LRRC4C: variants seen among roughly 807,000 people sequenced by gnomAD.
LRRC4C encodes the protein leucine rich repeat containing 4C, also known as leucine-rich repeat-containing protein 4C.
In LRRC4C, 5 loss-of-function variants were observed where a neutral mutation model predicts 33.6. That is an observed-to-expected ratio of 0.15 (90% CI 0.08 to 0.31). The LOEUF is 0.31. Among genes scored for constraint, LRRC4C ranks in the 10% least tolerant of loss-of-function variants. The probability of loss-of-function intolerance (pLI) is 1.00; values close to 1 mark genes in which losing one functional copy is unlikely to be tolerated. For synonymous variants in LRRC4C, 329 were observed against 302.0 expected, an observed-to-expected ratio of 1.09 and a Z score of -0.93; for missense variants, 560 against 796.7, an observed-to-expected ratio of 0.70 and a Z score of 3.58.
At chr11:40,646,890 G>C (rs1942498126) in intron 3 of LRRC4C, among the ~76,000 whole-genome samples, 1 of 152,202 alleles carries the variant, frequency 6.6e-6, no homozygotes, top group African/African-American at 2.4e-5. Flanking sequence ...ACAGGTGTGA[G>C]CCACTGTGCC....
At chr11:40,495,220 A>AT (rs2138557496) in intron 3 of LRRC4C, among the ~76,000 whole-genome samples, 1 of 152,280 alleles carries the variant, frequency 6.6e-6, no homozygotes, top group East Asian at 1.9e-4. Flanking sequence ...CAAATAGTAG[A>AT]TTTTGTTAAG....
chr11:40,178,146 C>A (rs781100644), intron 5 of LRRC4C, among the ~76,000 whole-genome samples: 44 of 152,128 alleles, frequency 2.9e-4, no homozygotes, highest in Non-Finnish European at 4.9e-4. Flanking sequence ...CATCTTATTG[C>A]CATCTGGAGG....
At chr11:41,164,448 A>G (rs745368646) in intron 1 of LRRC4C, among the ~76,000 whole-genome samples, 3 of 152,130 alleles carry the variant, frequency 2.0e-5, no homozygotes, top group Non-Finnish European at 4.4e-5. Context: ...AAGTAAAAGG[A>G]GAACACTCTA....
intron 2 of LRRC4C, among the ~76,000 whole-genome samples, chr11:40,925,929 T>A (rs1344779861): frequency 6.6e-6 from 1 of 152,146 alleles, no homozygotes; most frequent in Non-Finnish European, 1.5e-5. Flanking sequence ...TTCTATAACA[T>A]GGTATATGGT....
At chr11:41,402,356 G>A (rs1389532332) in intron 1 of LRRC4C, among the ~76,000 whole-genome samples, 1 of 152,076 alleles carries the variant, frequency 6.6e-6, no homozygotes, top group South Asian at 2.1e-4. Context: ...TGAGAATACA[G>A]AGTATTACAC....
chr11:41,276,383 G>A (rs1949486412), intron 1 of LRRC4C, among the ~76,000 whole-genome samples: 1 of 152,100 alleles, frequency 6.6e-6, no homozygotes, highest in Non-Finnish European at 1.5e-5. Flanking sequence ...GCTAGCATAA[G>A]CCCTTGTCTC....
intron 2 of LRRC4C, among the ~76,000 whole-genome samples, chr11:40,909,548 T>G (rs77233918): frequency 4.3e-4 from 65 of 152,208 alleles, no homozygotes; most frequent in African/African-American, 1.4e-3. Flanking sequence ...CACAGATAAT[T>G]TCATACAGAG....
chr11:41,103,880 A>T (rs1246447836), intron 1 of LRRC4C, among the ~76,000 whole-genome samples: 3 of 151,972 alleles, frequency 2.0e-5, no homozygotes, highest in Admixed American at 6.6e-5. Context: ...TTTAATAGTG[A>T]AAGGATAGCA....
At chr11:40,375,536 TAACATTTTGTG>T (rs1948624504) in intron 3 of LRRC4C, among the ~76,000 whole-genome samples, 1 of 152,166 alleles carries the variant, frequency 6.6e-6, no homozygotes, top group Non-Finnish European at 1.5e-5. Flanking sequence ...TGCCAAGGTC[TAACATTTTGTG>T]GCATACCACC....
At chr11:41,160,018 CACACACACAT>C (rs1419275297) in intron 1 of LRRC4C, among the ~76,000 whole-genome samples, 1 of 151,872 alleles carries the variant, frequency 6.6e-6, no homozygotes, top group African/African-American at 2.4e-5. Flanking sequence ...AACAAAAGGG[CACACACACAT>C]ACACACACAT....
intron 1 of LRRC4C, among the ~76,000 whole-genome samples, chr11:41,045,853 T>C (rs1053612088): frequency 5.9e-5 from 9 of 152,066 alleles, no homozygotes; most frequent in African/African-American, 1.7e-4. Flanking sequence ...ACCTTGTAGA[T>C]GGTAAATTTC....
intron 2 of LRRC4C, among the ~76,000 whole-genome samples, chr11:40,921,102 T>C (rs931649994): frequency 2.0e-5 from 3 of 152,028 alleles, no homozygotes; most frequent in African/African-American, 7.2e-5. Context: ...AAAAAAATTT[T>C]CGTAGAGACA....
In LRRC4C at chr11:40,185,527, G is replaced by A. The variant is rs563438244; in HGVS notation, c.-95-44674C>T. On this transcript the variant is annotated intron_variant, in intron 5 of 6. Coordinates refer to ENST00000528697, the MANE Select transcript of LRRC4C (RefSeq NM_001258419.2). Reference sequence around the variant, plus strand: ...ATAATTTAGTTAGGCATCTGAAAAGGTGTAATGAAGGAAATTTAGTGAGAA... The same window carrying A: ...ATAATTTAGTTAGGCATCTGAAAAGATGTAATGAAGGAAATTTAGTGAGAA... 3.3e-5 allele frequency among the ~76,000 whole-genome samples: 5 copies of A among 152,286 alleles called. No individual in the cohort carries two copies. The East Asian group carries it at 5.8e-4, about 18-fold the overall frequency.
At chr11:40,978,557 AC>A (rs1257587243) in intron 1 of LRRC4C, among the ~76,000 whole-genome samples, 1 of 152,040 alleles carries the variant, frequency 6.6e-6, no homozygotes, top group Non-Finnish European at 1.5e-5. Flanking sequence ...TCTGTCCCAA[AC>A]ATCAATAGAG....
chr11:41,420,259 C>G, intron 1 of LRRC4C, among the ~76,000 whole-genome samples: 1 of 151,922 alleles, frequency 6.6e-6, no homozygotes. Context: ...GCCTTCCCCT[C>G]CTCACCATGC....
In LRRC4C at chr11:40,114,627, G is replaced by A. The variant is rs773078198; in HGVS notation, c.1666C>T (p.Arg556Trp). ...IFYKMRKQHH[R>W]QNHHAPTRTV... ...CTTGTTGGGGCGTGATGGTTTTGCC[G>A]ATGGTGCTGCTTCCTCATCTTGTAG... The change falls in exon 7 of 7, where the codon CGG becomes TGG. Residue 556 changes from arginine to tryptophan, a missense_variant. Arg to Trp is a moderately radical substitution (Grantham distance 101). Around this residue, in one of 3 missense-constraint regions of LRRC4C, gnomAD observed 103 missense variants for 132.1 expected, o/e 0.78. Coordinates refer to ENST00000528697, the MANE Select transcript of LRRC4C (RefSeq NM_001258419.2). 12 of 1,613,998 alleles carry A rather than the reference G, an allele frequency of 7.4e-6. No homozygotes were observed. Among genetic ancestry groups the A allele is most frequent in the South Asian group, 4.4e-5 (4 of 91,080 alleles).
intron 2 of LRRC4C, among the ~76,000 whole-genome samples, chr11:40,715,771 T>C (rs1042321734): frequency 2.0e-5 from 3 of 152,178 alleles, no homozygotes; most frequent in African/African-American, 7.2e-5. Context: ...ATGCCTATAA[T>C]CCCAGCACTT....
chr11:40,901,927 G>T (rs1164627251), intron 2 of LRRC4C, among the ~76,000 whole-genome samples: 1 of 149,956 alleles, frequency 6.7e-6, no homozygotes, highest in Non-Finnish European at 1.5e-5. Flanking sequence ...TAACTCCCTG[G>T]TAAGTAAAAT....
At chr11:40,648,988 G>C (rs183154909) in intron 2 of LRRC4C, among the ~76,000 whole-genome samples, 3 of 152,156 alleles carry the variant, frequency 2.0e-5, no homozygotes, top group Non-Finnish European at 4.4e-5. Context: ...GTACAAAAGG[G>C]AAGTAGGTCA....
Sources: allele counts gnomAD v4.1 joint callset (sites outside exome capture counted in the v4.1 genomes callset), GRCh38; gene constraint gnomAD v4.1.1; regional missense constraint gnomAD v4.1.1; transcripts MANE v1.5; gene names NCBI Gene and HGNC (gene_info 2026-07-23, HGNC 2026-07-21).